Variants in CNTN1 observed in about 807,000 individuals in gnomAD.
The protein encoded by CNTN1 is contactin 1.
CNTN1 carries 38 observed loss-of-function variants against 126.4 expected under a neutral mutation model. The observed-to-expected ratio is 0.30, with a 90% CI of 0.23 to 0.39. The LOEUF (loss-of-function observed/expected upper bound fraction) is 0.39. Ranked by LOEUF, CNTN1 falls within the 10% of genes least tolerant of loss-of-function variation. CNTN1 has a pLI of 1.00. For synonymous variants in CNTN1, 413 were observed against 422.6 expected (o/e 0.98, Z 0.28); for missense variants, 1,009 against 1,248.4 (o/e 0.81, Z 2.89).
At chr12:41,029,483 T>G (rs1442672280) in intron 23 of CNTN1, among the ~76,000 whole-genome samples, 3 of 152,190 alleles carry the variant, frequency 2.0e-5, no homozygotes, top group Non-Finnish European at 2.9e-5. Context: ...AACGAGTTTT[T>G]GGGATCCAAT....
At chr12:40,813,122 CTTCT>C (rs199869532) in intron 1 of CNTN1, among the ~76,000 whole-genome samples, 2,933 of 117,840 alleles carry the variant, frequency 0.025, 104 homozygotes, top group African/African-American at 0.087. Context: ...TCTTTCTTTC[CTTCT>C]TTCTTTCTTT....
chr12:40,749,513 T>A (rs371355074), intron 1 of CNTN1, among the ~76,000 whole-genome samples: 2 of 151,812 alleles, frequency 1.3e-5, no homozygotes. Flanking sequence ...TAATTCAATA[T>A]TTTTTTTGTT....
intron 1 of CNTN1, among the ~76,000 whole-genome samples, chr12:40,887,629 A>G (rs1004891020): frequency 1.3e-5 from 2 of 152,030 alleles, no homozygotes; most frequent in African/African-American, 4.8e-5. Context: ...ATCTAGAACT[A>G]GAAATACCAT....
chr12:40,813,213 T>C (rs1207380112), intron 1 of CNTN1, among the ~76,000 whole-genome samples: 1 of 94,858 alleles, frequency 1.1e-5, no homozygotes, highest in Non-Finnish European at 2.3e-5. Flanking sequence ...TTCAGTTTTT[T>C]CTTATTTGCT....
Position 40,929,871 on chromosome 12 carries a change from A to G in CNTN1, c.572A>G (p.Gln191Arg), listed in dbSNP as rs1945822292. 1.2e-6 allele frequency: 2 copies of G among 1,612,674 alleles called. No individual in the cohort carries two copies. The highest frequency in any genetic ancestry group is 2.7e-5 in the African/African-American group (2 of 74,850). ...ATGGATAAACGGCGATTTGTGTCTC[A>G]GACAAATGGCAATCTCTACATTGCA... is the stretch of plus-strand genomic sequence containing the variant. ...ITMDKRRFVS[Q>R]TNGNLYIANV... Residue 191 changes from glutamine (Q) to arginine (R), a missense_variant, in exon 7 of 24, where the codon CAG (glutamine) becomes CGG (arginine). Transcript: ENST00000551295.
intron 23 of CNTN1, among the ~76,000 whole-genome samples, chr12:41,039,410 A>G (rs1949344270): frequency 6.6e-6 from 1 of 152,206 alleles, no homozygotes; most frequent in Non-Finnish European, 1.5e-5. Flanking sequence ...GGTATGTGAA[A>G]TGGATATGGC....
intron 1 of CNTN1, among the ~76,000 whole-genome samples, chr12:40,775,481 T>TTTATACTAGGATATCAGGCTTA (rs1169737456): frequency 6.6e-6 from 1 of 151,508 alleles, no homozygotes; most frequent in African/African-American, 2.4e-5. Context: ...AATGTCTCTT[T>TTTATACTAGGATATCAGGCTTA]GATTACAGAT....
rs1940805759 is a variant in CNTN1 at position 40,805,272 on chromosome 12, T to C, written c.-76-103085T>C. On this transcript the variant is annotated intron_variant, in intron 1 of 23. Transcript: ENST00000551295. ...CTTCTACCCCCTTTTCCCTCTTTTC[T>C]TCTGGACTTTTGCACGACTGATATT... Among the ~76,000 whole-genome samples the C allele has an allele frequency of 2.0e-5, 3 of 152,038 alleles. No homozygotes were observed. In the South Asian group the frequency reaches 6.2e-4, roughly 32 times the overall value.
At chr12:40,718,508 C>T (rs61915102) in intron 1 of CNTN1, among the ~76,000 whole-genome samples, 30,700 of 151,988 alleles carry the variant, frequency 0.2, 3,226 homozygotes, top group Middle Eastern at 0.28. Flanking sequence ...ATAAGGAACC[C>T]GAGAGGCTTC....
intron 1 of CNTN1, among the ~76,000 whole-genome samples, chr12:40,852,338 C>A (rs558920501): frequency 6.6e-6 from 1 of 152,038 alleles, no homozygotes; most frequent in African/African-American, 2.4e-5. Context: ...GATGAGGAAA[C>A]GTTCAGAGAA....
chr12:41,051,616 A>G (rs566389580), intron 23 of CNTN1, among the ~76,000 whole-genome samples: 34 of 152,114 alleles, frequency 2.2e-4, no homozygotes, highest in Non-Finnish European at 3.8e-4. Flanking sequence ...ATATTTCTAT[A>G]AAACACATAC....
chr12:41,040,039 G>A (rs1307777669), intron 23 of CNTN1, among the ~76,000 whole-genome samples: 7 of 151,936 alleles, frequency 4.6e-5, no homozygotes, highest in African/African-American at 1.2e-4. Flanking sequence ...TCATTCTAAG[G>A]CTTGTTCCCT....
intron 1 of CNTN1, among the ~76,000 whole-genome samples, chr12:40,836,252 T>C (rs1171413758): frequency 6.7e-6 from 1 of 148,204 alleles, no homozygotes; most frequent in Non-Finnish European, 1.5e-5. Flanking sequence ...TATATGTATA[T>C]ATTATAATAC....
chr12:40,864,970 G>C (rs911674361), intron 1 of CNTN1, among the ~76,000 whole-genome samples: 1 of 152,066 alleles, frequency 6.6e-6, no homozygotes, highest in Non-Finnish European at 1.5e-5. Flanking sequence ...ATGAATAAAG[G>C]TTCCTTTTTC....
At chr12:40,779,363 T>C (rs1317454713) in intron 1 of CNTN1, among the ~76,000 whole-genome samples, 1 of 151,874 alleles carries the variant, frequency 6.6e-6, no homozygotes, top group Non-Finnish European at 1.5e-5. Context: ...TACTCACCTT[T>C]TTCCACTTAC....
At chr12:40,885,202 G>A (rs1290914184) in intron 1 of CNTN1, among the ~76,000 whole-genome samples, 1 of 151,702 alleles carries the variant, frequency 6.6e-6, no homozygotes, top group Non-Finnish European at 1.5e-5. Context: ...TGGGCAAATT[G>A]CTTAACCTAC....
intron 23 of CNTN1, among the ~76,000 whole-genome samples, chr12:41,052,149 T>C (rs949171977): frequency 6.6e-6 from 1 of 152,184 alleles, no homozygotes; most frequent in Non-Finnish European, 1.5e-5. Flanking sequence ...TGGCATCCAG[T>C]ACAGTTTATA....
intron 1 of CNTN1, among the ~76,000 whole-genome samples, chr12:40,816,891 T>C (rs1941273459): frequency 6.6e-6 from 1 of 152,088 alleles, no homozygotes; most frequent in South Asian, 2.1e-4. Context: ...TGCCTTAATT[T>C]ATTTCATTAT....
chr12:40,747,017 C>T (rs763965729), intron 1 of CNTN1, among the ~76,000 whole-genome samples: 2 of 151,958 alleles, frequency 1.3e-5, no homozygotes, highest in Admixed American at 6.6e-5. Context: ...TGGTGGGGTA[C>T]GGGGAGCCCT....
Sources: gnomAD v4.1 joint callset for allele counts (sites outside exome capture counted in the v4.1 genomes callset) on GRCh38, gnomAD v4.1.1 for gene constraint, MANE v1.5 for transcripts, NCBI Gene and HGNC (gene_info 2026-07-23, HGNC 2026-07-21) for gene names.